The following CATIP variants were observed in gnomAD, a reference collection of about 807,000 sequenced individuals.
The protein encoded by CATIP is ciliogenesis associated TTC17 interacting protein.
A neutral mutation model predicts 42.5 loss-of-function variants in CATIP; 40 were observed. The observed-to-expected ratio is 0.94, with a 90% CI of 0.73 to 1.22. The LOEUF (loss-of-function observed/expected upper bound fraction) is 1.22. Among genes scored for constraint, CATIP ranks in the 50% most tolerant of loss-of-function variants. The pLI, the probability that CATIP is intolerant of heterozygous loss-of-function variation, is 0.00. For synonymous variants in CATIP, 222 were observed against 200.2 expected, an observed-to-expected ratio of 1.11 and a Z score of -0.92; for missense variants, 489 against 496.0, an observed-to-expected ratio of 0.99 and a Z score of 0.13.
chr2:218,364,781 G>A lies in CATIP; in HGVS notation c.755+29G>A, dbSNP rs116641286. 1,803 of 1,603,488 alleles carry A rather than the reference G, an allele frequency of 1.1e-3. 24 individuals carry two copies. The African/African-American group carries it at 0.022, about 19-fold the overall frequency. Reference sequence around the variant, plus strand: ...AGCTGCTGATGGTGGGCCCAGAGGGGTGGTGCTGAGCTTGTAGGTGCTCAA... The same window carrying A: ...AGCTGCTGATGGTGGGCCCAGAGGGATGGTGCTGAGCTTGTAGGTGCTCAA... On this transcript the variant is annotated intron_variant, in intron 7 of 9. Transcript: ENST00000289388.
In CATIP at chr2:218,367,778, G is replaced by A; in HGVS notation, c.978G>A (p.Ala326=). The change falls in exon 10 of 10, where the codon GCG becomes GCA. Residue 326 remains alanine (A), a synonymous_variant. Coordinates refer to ENST00000289388, the MANE Select transcript of CATIP (RefSeq NM_198559.2). ...TGCGGCAGCACCCCGAAGCCCACGC[G>A]CTCATCTCCGACTTCCTGCTCTTCC... ...SYLRQHPEAH[A]LISDFLLFLL... The A allele has an allele frequency of 6.2e-7, 1 of 1,611,820 alleles. No individual in the cohort carries two copies. Among genetic ancestry groups the A allele is most frequent in the Non-Finnish European group, 8.5e-7 (1 of 1,179,806 alleles).
At chr2:218,364,230 C>T (rs986617785) in intron 6 of CATIP, among the ~76,000 whole-genome samples, 1 of 152,198 alleles carries the variant, frequency 6.6e-6, no homozygotes, top group Non-Finnish European at 1.5e-5. Context: ...GTTTTAATCA[C>T]AACAGGGACA....
At chr2:218,357,969 A>G (rs1438788398) in intron 3 of CATIP, 68 bp from the exon 4 acceptor site, 1 of 1,466,282 alleles carries the variant, frequency 6.8e-7, no homozygotes, top group Non-Finnish European at 9.6e-7. Context: ...CTGCGCCACC[A>G]CCTTCCCTTC....
At chr2:218,363,736 G>T (rs1695324716) in intron 6 of CATIP, among the ~76,000 whole-genome samples, 1 of 152,102 alleles carries the variant, frequency 6.6e-6, no homozygotes, top group Admixed American at 6.6e-5. Flanking sequence ...TTGAACCCAG[G>T]AGGCGGAGGT....
chr2:218,357,488 C>T (rs376424752), intron 2 of CATIP, 46 bp from the exon 3 acceptor site: 6 of 1,533,226 alleles, frequency 3.9e-6, no homozygotes, highest in Non-Finnish European at 5.4e-6. Context: ...TGGATTGGGG[C>T]CCAGGAGCAG....
chr2:218,361,737 G>A (rs1387427449), intron 5 of CATIP, among the ~76,000 whole-genome samples: 1 of 152,188 alleles, frequency 6.6e-6, no homozygotes, highest in Non-Finnish European at 1.5e-5. Context: ...TAAAATGGGA[G>A]GCAGCTTTGC....
In CATIP at chr2:218,360,582, C is replaced by T. The variant is rs1238726707; in HGVS notation, c.385C>T (p.Leu129Phe). The change falls in exon 5 of 10, where the codon CTC becomes TTC. Residue 129 changes from leucine (L) to phenylalanine (F), a missense_variant. Leu to Phe is a conservative substitution (Grantham distance 22). Transcript: ENST00000289388. The stretch of plus-strand genomic sequence containing the variant: ...ATGCTCTGGCCCTCAGTTCCTCATC[C>T]TCCCCATGGAACGGAAGATGAGTTT... ...HSQDFIKFLI[L>F]PMERKMSLLK... The T allele has an allele frequency of 1.2e-6, 2 of 1,613,468 alleles. No homozygotes were observed. Among genetic ancestry groups the T allele is most frequent in the East Asian group, 4.5e-5 (2 of 44,860 alleles).
At chr2:218,367,692 G>C (rs1232741752) in intron 9 of CATIP, 30 bp from the exon 10 acceptor site, 3 of 1,580,908 alleles carry the variant, frequency 1.9e-6, no homozygotes, top group Non-Finnish European at 2.6e-6. Context: ...GGTCCCGTCC[G>C]GCTGAGGCTC....
chr2:218,367,850 C>A lies in CATIP; in HGVS notation c.1050C>A (p.Phe350Leu). 1 of 1,613,146 alleles carries A rather than the reference C, an allele frequency of 6.2e-7. No homozygotes were observed. The highest frequency in any genetic ancestry group is 8.5e-7 in the Non-Finnish European group (1 of 1,179,882). Residue 350 changes from phenylalanine to leucine, a missense_variant, in exon 10 of 10, where the codon TTC (phenylalanine) becomes TTA (leucine). Phe to Leu is a conservative substitution (Grantham distance 22). Transcript: ENST00000289388. ...ACGTGGTCACCTTCGCCGCCGAGTT[C>A]TTCGGCCCCTTCGACCCGTGGCGTC... ...PEDVVTFAAE[F>L]FGPFDPWRPS...
Position 218,362,900 on chromosome 2 carries a change from T to C in CATIP, c.628T>C (p.Tyr210His), listed in dbSNP as rs1343749771. The change falls in exon 6 of 10, where the codon TAT (tyrosine) becomes CAT (histidine). Residue 210 changes from tyrosine (Y) to histidine (H), a missense_variant and splice_region_variant. By Grantham distance (83) the Tyr-to-His change is moderately conservative. Coordinates refer to ENST00000289388, the MANE Select transcript of CATIP (RefSeq NM_198559.2). ...DTEGKLCYLTYQNLGFQTIQV... is the reference protein window; with the variant it reads ...DTEGKLCYLTHQNLGFQTIQV... ...CGAGGGCAAACTCTGCTATTTGACCTATGTAAGGGGTCCCCTTGGGCAGGG... is the reference window on the plus strand; with the variant it reads ...CGAGGGCAAACTCTGCTATTTGACCCATGTAAGGGGTCCCCTTGGGCAGGG... The C allele has an allele frequency of 6.2e-7, 1 of 1,611,308 alleles. No homozygotes were observed. Among genetic ancestry groups the C allele is most frequent in the East Asian group, 2.2e-5 (1 of 44,824 alleles).
chr2:218,367,144 G>T (rs751978373), intron 8 of CATIP, 44 bp downstream of exon 8: 1 of 1,502,472 alleles, frequency 6.7e-7, no homozygotes, highest in South Asian at 1.1e-5. Context: ...GAGTTAAGGG[G>T]AGTGGGGAAA....
chr2:218,367,223 C>T (rs1400750403), intron 8 of CATIP, 123 bp downstream of exon 8: 4 of 815,948 alleles, frequency 4.9e-6, no homozygotes, highest in Admixed American at 5.1e-5. Context: ...CTGGAATCAG[C>T]TGGAGAACAT....
At chr2:218,361,168 C>T (rs1044537956) in intron 5 of CATIP, among the ~76,000 whole-genome samples, 2 of 151,994 alleles carry the variant, frequency 1.3e-5, no homozygotes, top group African/African-American at 4.8e-5. Context: ...AGACACGAAA[C>T]ATCAATCAAC....
chr2:218,367,497 T>C lies in CATIP; in HGVS notation c.900T>C (p.Tyr300=), dbSNP rs1695493869. The C allele has an allele frequency of 1.2e-6, 2 of 1,614,126 alleles. No individual in the cohort carries two copies. Among genetic ancestry groups the C allele is most frequent in the East Asian group, 2.2e-5 (1 of 44,868 alleles). Residue 300 remains tyrosine (Y), a synonymous_variant, in exon 9 of 10, where the codon TAT becomes TAC. Transcript: ENST00000289388. ...PLVWEEDMEL[Y]SKFLDRKEEL... ...TATGGGAGGAGGATATGGAGCTCTA[T>C]TCGAAGTTCCTGGACCGGAAGGTGA...
intron 7 of CATIP, 34 bp downstream of exon 7, chr2:218,364,786 G>T: frequency 1.9e-6 from 3 of 1,599,438 alleles, no homozygotes; most frequent in Non-Finnish European, 2.6e-6. Flanking sequence ...GAGGGGTGGT[G>T]CTGAGCTTGT....
Position 218,357,183 on chromosome 2 carries a change from C to G in CATIP, c.114C>G (p.Ser38=), listed in dbSNP as rs751473765. ...ANAEAIDFLS[S]LHKEELQMLF... is the part of the protein sequence containing the mutation. ...CTGAAGCCATCGACTTCCTCAGCTC[C>G]CTCCGTGAGCTCAGACAGTGTCGGG... Residue 38 remains serine (S), a synonymous_variant, in exon 2 of 10, where the codon TCC becomes TCG. Transcript: ENST00000289388. 5 of 1,611,056 alleles carry G rather than the reference C, an allele frequency of 3.1e-6. No homozygotes were observed. The African/African-American group carries it at 6.7e-5, about 22-fold the overall frequency.
At position 218,367,728 on chromosome 2, in the gene CATIP, C is replaced by G; in HGVS notation, c.928C>G (p.Leu310Val). Residue 310 changes from leucine to valine, a missense_variant, in exon 10 of 10, where the codon CTC becomes GTC. Coordinates refer to ENST00000289388, the MANE Select transcript of CATIP (RefSeq NM_198559.2). ...GGGCTCTGTCCCCTGCCAGGAGGAG[C>G]TCCGGCTCGGCCACGCCAGCTATCT... Reference protein sequence around the residue: ...YSKFLDRKEELRLGHASYLRQ... With the variant: ...YSKFLDRKEEVRLGHASYLRQ... 6.3e-7 allele frequency: 1 copy of G among 1,596,240 alleles called. No individual in the cohort carries two copies. The highest frequency in any genetic ancestry group is 8.5e-7 in the Non-Finnish European group (1 of 1,174,712).
At chr2:218,358,341 G>C (rs1025322730) in intron 4 of CATIP, among the ~76,000 whole-genome samples, 6 of 152,074 alleles carry the variant, frequency 3.9e-5, no homozygotes, top group Non-Finnish European at 8.8e-5. Flanking sequence ...GGCAGAGGTG[G>C]GCGGATCACC....
rs199711275 is a variant in CATIP, at chr2:218,367,436, T to G, written c.839T>G (p.Ile280Ser). 1.2e-6 allele frequency: 2 copies of G among 1,614,042 alleles called. No homozygotes were observed. The highest frequency in any genetic ancestry group is 1.1e-5 in the South Asian group (1 of 91,068). ...KMPILREEDE[I>S]EPRPVFEKKP... ...TTCCTTGTTCCCCACCTAGATGAGA[T>G]TGAGCCACGCCCAGTGTTTGAGAAG... Residue 280 changes from isoleucine to serine, a missense_variant, in exon 9 of 10, where the codon ATT becomes AGT. Physicochemically the swap from Ile to Ser is moderately radical, Grantham distance 142. Transcript: ENST00000289388.
Sources: gnomAD v4.1 joint callset for allele counts (sites outside exome capture counted in the v4.1 genomes callset) on GRCh38, gnomAD v4.1.1 for gene constraint, MANE v1.5 for transcripts, NCBI Gene and HGNC (gene_info 2026-07-23, HGNC 2026-07-21) for gene names.